The following CPNE8 variants were observed in gnomAD, a reference collection of about 807,000 sequenced individuals.
CPNE8 encodes the protein copine 8, also known as copine-8.
In CPNE8, 45 loss-of-function variants were observed where a neutral mutation model predicts 81.5. That is an observed-to-expected ratio of 0.55 (90% CI 0.44 to 0.71). The LOEUF (loss-of-function observed/expected upper bound fraction) is 0.71. Among genes scored for constraint, CPNE8 ranks in the 30% least tolerant of loss-of-function variants. The pLI is 0.00. For missense variants in CPNE8, 594 were observed against 672.1 expected (o/e 0.88, Z 1.28); for synonymous variants, 252 against 226.3 (o/e 1.11, Z -1.02).
intron 19 of CPNE8, among the ~76,000 whole-genome samples, chr12:38,659,640 G>A (rs1427460036): frequency 6.6e-6 from 1 of 152,166 alleles, no homozygotes; most frequent in Non-Finnish European, 1.5e-5. Flanking sequence ...TGACCACAGA[G>A]TTGGAAGTAA....
In CPNE8 at chr12:38,848,599, C is replaced by T. The variant is rs751040453; in HGVS notation, c.250G>A (p.Asp84Asn). ...NPDFVRKFIL[D>N]YFFEERENLR... ...TTCTCTCTTTCTTCAAAAAAGTAGT[C>T]CAGAATAAACTTTCTTACAAAATCA... Residue 84 changes from aspartate (D) to asparagine (N), a missense_variant, in exon 4 of 20, where the codon GAC becomes AAC. Coordinates refer to ENST00000331366, the MANE Select transcript of CPNE8 (RefSeq NM_153634.3). 6.3e-7 allele frequency: 1 copy of T among 1,592,700 alleles called. No individual in the cohort carries two copies. The highest frequency in any genetic ancestry group is 1.4e-5 in the African/African-American group (1 of 73,232).
At chr12:38,798,041 G>A (rs1942544743) in intron 6 of CPNE8, among the ~76,000 whole-genome samples, 1 of 152,160 alleles carries the variant, frequency 6.6e-6, no homozygotes, top group African/African-American at 2.4e-5. Flanking sequence ...AAGAAATATG[G>A]GACTATGTGA....
At chr12:38,776,969 G>A (rs996353818) in intron 6 of CPNE8, among the ~76,000 whole-genome samples, 4 of 149,484 alleles carry the variant, frequency 2.7e-5, no homozygotes, top group Non-Finnish European at 5.9e-5. Flanking sequence ...TACTGTTTAT[G>A]TATTTTCTAT....
intron 19 of CPNE8, among the ~76,000 whole-genome samples, chr12:38,658,101 C>T (rs933409467): frequency 3.3e-5 from 5 of 151,920 alleles, no homozygotes; most frequent in African/African-American, 7.3e-5. Flanking sequence ...TAAACTTCTC[C>T]GAGTTAAAAA....
intron 10 of CPNE8, among the ~76,000 whole-genome samples, chr12:38,749,181 C>T (rs888834087): frequency 6.6e-6 from 1 of 152,114 alleles, no homozygotes; most frequent in Non-Finnish European, 1.5e-5. Context: ...ATGGGAGTCT[C>T]CCTGCACAAG....
At chr12:38,729,319 G>A (rs543549073) in intron 11 of CPNE8, among the ~76,000 whole-genome samples, 16 of 152,104 alleles carry the variant, frequency 1.1e-4, no homozygotes, top group African/African-American at 3.6e-4. Flanking sequence ...CTTTCTGACT[G>A]AGAAATTTTC....
chr12:38,879,844 A>T (rs1256707416), intron 1 of CPNE8, among the ~76,000 whole-genome samples: 2 of 152,082 alleles, frequency 1.3e-5, no homozygotes, highest in Non-Finnish European at 2.9e-5. Context: ...TTCTAATTCA[A>T]TAAAAAAAAA....
intron 1 of CPNE8, among the ~76,000 whole-genome samples, chr12:38,903,540 A>G (rs1488864522): frequency 6.6e-6 from 1 of 152,210 alleles, no homozygotes; most frequent in East Asian, 1.9e-4. Context: ...TGGCAGAATG[A>G]CCAGTTTAGG....
At chr12:38,798,408 G>C (rs1177456938) in intron 6 of CPNE8, among the ~76,000 whole-genome samples, 7 of 152,144 alleles carry the variant, frequency 4.6e-5, no homozygotes, top group Non-Finnish European at 7.3e-5. Context: ...CTTTCTTAAA[G>C]AAAAGAATTT....
chr12:38,664,378 CATT>C (rs1330697633), intron 19 of CPNE8, among the ~76,000 whole-genome samples: 2 of 151,950 alleles, frequency 1.3e-5, no homozygotes, highest in South Asian at 2.1e-4. Flanking sequence ...TGAAAGCCAT[CATT>C]ATCATAATTA....
chr12:38,674,312 C>G (rs1939241070), intron 18 of CPNE8, among the ~76,000 whole-genome samples: 1 of 152,096 alleles, frequency 6.6e-6, no homozygotes, highest in South Asian at 2.1e-4. Context: ...GGTTTACCAT[C>G]TCTGAGGTCA....
chr12:38,887,234 G>A (rs2137133952), intron 1 of CPNE8, among the ~76,000 whole-genome samples: 1 of 152,208 alleles, frequency 6.6e-6, no homozygotes, highest in Middle Eastern at 3.4e-3. Flanking sequence ...TAGGAAGAGG[G>A]GTATATTGAG....
At chr12:38,847,722 A>G (rs1367634394) in intron 4 of CPNE8, among the ~76,000 whole-genome samples, 1 of 152,150 alleles carries the variant, frequency 6.6e-6, no homozygotes, top group East Asian at 1.9e-4. Flanking sequence ...AAGAGCTGTT[A>G]TTTTTTACAT....
intron 19 of CPNE8, among the ~76,000 whole-genome samples, chr12:38,667,707 T>C (rs1436020990): frequency 6.6e-6 from 1 of 152,176 alleles, no homozygotes; most frequent in Non-Finnish European, 1.5e-5. Flanking sequence ...ATCCCTTGAG[T>C]GTTCACCTGT....
chr12:38,885,906 C>T (rs931052337), intron 1 of CPNE8, among the ~76,000 whole-genome samples: 4 of 152,034 alleles, frequency 2.6e-5, no homozygotes. Flanking sequence ...CATGTAAAGA[C>T]GTGCCTGCCT....
chr12:38,816,490 A>G (rs1370248706), intron 6 of CPNE8, among the ~76,000 whole-genome samples: 1 of 152,196 alleles, frequency 6.6e-6, no homozygotes, highest in Non-Finnish European at 1.5e-5. Context: ...AGGAGAATTA[A>G]TAAAAACCTA....
intron 6 of CPNE8, among the ~76,000 whole-genome samples, chr12:38,801,097 AG>A (rs1942654281): frequency 7.6e-6 from 1 of 132,238 alleles, no homozygotes; most frequent in East Asian, 2.3e-4. Flanking sequence ...GATATTATCC[AG>A]GAGAACTTCC....
chr12:38,711,322 C>T (rs1434087866), intron 13 of CPNE8, among the ~76,000 whole-genome samples: 1 of 152,130 alleles, frequency 6.6e-6, no homozygotes, highest in Admixed American at 6.5e-5. Flanking sequence ...TAGTGCTAGT[C>T]CTGACGATGA....
chr12:38,766,116 C>T (rs1941682764), intron 8 of CPNE8, among the ~76,000 whole-genome samples: 1 of 152,092 alleles, frequency 6.6e-6, no homozygotes, highest in Non-Finnish European at 1.5e-5. Flanking sequence ...CCTCGGCCTC[C>T]TACAGTGCTG....
Sources: gnomAD v4.1 joint callset for allele counts (sites outside exome capture counted in the v4.1 genomes callset) on GRCh38, gnomAD v4.1.1 for gene constraint, MANE v1.5 for transcripts, NCBI Gene and HGNC (gene_info 2026-07-23, HGNC 2026-07-21) for gene names.